The following SPAG16 variants were observed in gnomAD, a reference collection of about 807,000 sequenced individuals.
The protein encoded by SPAG16 is sperm associated antigen 16, also known as sperm-associated antigen 16 protein.
A neutral mutation model predicts 80.4 loss-of-function variants in SPAG16; 86 were observed. The observed-to-expected ratio is 1.07, with a 90% CI of 0.90 to 1.28. The LOEUF (loss-of-function observed/expected upper bound fraction) is 1.28. Among genes scored for constraint, SPAG16 ranks in the 50% most tolerant of loss-of-function variants. The pLI is 0.00. For missense variants in SPAG16, 870 were observed against 765.3 expected (o/e 1.14, Z -1.61); for synonymous variants, 294 against 265.9 (o/e 1.11, Z -1.03).
intron 10 of SPAG16, among the ~76,000 whole-genome samples, chr2:213,526,563 C>T (rs1478273890): frequency 2.0e-5 from 3 of 152,118 alleles, no homozygotes; most frequent in African/African-American, 4.8e-5. Flanking sequence ...AACTTGGAGC[C>T]TCCTTTTGGC....
intron 15 of SPAG16, among the ~76,000 whole-genome samples, chr2:214,247,788 T>A (rs1347791817): frequency 6.6e-6 from 1 of 152,026 alleles, no homozygotes; most frequent in Admixed American, 6.6e-5. Context: ...TCCCAGCACT[T>A]CAGGTGGCCA....
Position 213,892,551 on chromosome 2 carries a change from T to C in SPAG16, c.1214+29923T>C, listed in dbSNP as rs529654319. ...TGGTAGTTTTAAGAAAGCTCAGTGA[T>C]CTGCAAGATAACACAGAAAAGAAAT... is the stretch of plus-strand genomic sequence containing the variant. On this transcript the variant is annotated intron_variant, in intron 11 of 15. Transcript: ENST00000331683. Among the ~76,000 whole-genome samples, 9 of 152,218 alleles carry C rather than the reference T, an allele frequency of 5.9e-5. No homozygotes were observed. The South Asian group carries it at 1.9e-3, about 32-fold the overall frequency.
chr2:213,921,328 G>T (rs1163270570), intron 11 of SPAG16, among the ~76,000 whole-genome samples: 1 of 152,160 alleles, frequency 6.6e-6, no homozygotes, highest in South Asian at 2.1e-4. Context: ...AACTAGGATT[G>T]CAACCCCTGC....
At chr2:213,340,379 C>A in intron 6 of SPAG16, 109 bp downstream of exon 6, 1 of 781,564 alleles carries the variant, frequency 1.3e-6, no homozygotes, top group Non-Finnish European at 2.1e-6. Context: ...GGTTATTGAG[C>A]ATAAGATGAG....
chr2:213,742,952 G>A (rs2067641976), intron 10 of SPAG16, among the ~76,000 whole-genome samples: 1 of 151,752 alleles, frequency 6.6e-6, no homozygotes. Context: ...CGCCCAGGCT[G>A]GAGTGCAGTG....
chr2:213,986,824 T>A (rs1322739866), intron 12 of SPAG16, among the ~76,000 whole-genome samples: 1 of 150,674 alleles, frequency 6.6e-6, no homozygotes, highest in East Asian at 1.9e-4. Context: ...GTGTAAGTAT[T>A]TGTCTAATTT....
At chr2:213,287,575 T>G (rs1479273873) in intron 1 of SPAG16, among the ~76,000 whole-genome samples, 3 of 152,220 alleles carry the variant, frequency 2.0e-5, no homozygotes, top group Non-Finnish European at 2.9e-5. Context: ...CTCCTCTAGC[T>G]TTTGATTATT....
chr2:213,980,725 T>TAGAG (rs1553686631), intron 12 of SPAG16, among the ~76,000 whole-genome samples: 54 of 103,984 alleles, frequency 5.2e-4, no homozygotes, highest in South Asian at 1.9e-3. Flanking sequence ...TATATATATA[T>TAGAG]AGAGAGAGAG....
intron 10 of SPAG16, among the ~76,000 whole-genome samples, chr2:213,493,866 T>A (rs1419744873): frequency 6.6e-6 from 1 of 152,180 alleles, no homozygotes; most frequent in African/African-American, 2.4e-5. Flanking sequence ...GCTCATTGTC[T>A]CTAAGGAGGC....
chr2:213,543,796 G>T (rs181697025), intron 10 of SPAG16, among the ~76,000 whole-genome samples: 3 of 152,056 alleles, frequency 2.0e-5, no homozygotes, highest in Non-Finnish European at 2.9e-5. Context: ...TATTCTACCA[G>T]ATACACCTTG....
intron 15 of SPAG16, among the ~76,000 whole-genome samples, chr2:214,193,305 A>G (rs2057719106): frequency 6.6e-6 from 1 of 151,978 alleles, no homozygotes; most frequent in African/African-American, 2.4e-5. Context: ...GGTCGCCTCT[A>G]CTAGAACTGC....
chr2:213,930,806 G>A (rs926976862), intron 12 of SPAG16, among the ~76,000 whole-genome samples: 9 of 152,262 alleles, frequency 5.9e-5, no homozygotes, highest in Non-Finnish European at 1.0e-4. Context: ...ATACAAAGAG[G>A]TAAATTTAGC....
chr2:213,876,590 T>C (rs2076152149), intron 11 of SPAG16, among the ~76,000 whole-genome samples: 1 of 152,188 alleles, frequency 6.6e-6, no homozygotes, highest in South Asian at 2.1e-4. Context: ...AAAAGCATTA[T>C]AAGTATTCTA....
intron 12 of SPAG16, among the ~76,000 whole-genome samples, chr2:213,952,675 A>G (rs1222008007): frequency 6.6e-6 from 1 of 152,086 alleles, no homozygotes; most frequent in African/African-American, 2.4e-5. Flanking sequence ...CTAATTTGGG[A>G]ACCATAGAAT....
chr2:213,372,602 A>T lies in SPAG16; in HGVS notation c.833-2408A>T, dbSNP rs73990327. ...AATTAATACTTTTTTCAAATATAAC[A>T]TCTTCTTATTTAACTCTATTTCTTT... On this transcript the variant is annotated intron_variant, in intron 8 of 15. Coordinates refer to ENST00000331683, the MANE Select transcript of SPAG16 (RefSeq NM_024532.5). 2.6e-3 allele frequency among the ~76,000 whole-genome samples: 393 copies of T among 152,222 alleles called. 4 individuals are homozygous for T. The highest frequency in any genetic ancestry group is 8.7e-3 in the African/African-American group (361 of 41,570).
At chr2:214,379,694 T>C (rs2126104703) in intron 15 of SPAG16, among the ~76,000 whole-genome samples, 1 of 152,308 alleles carries the variant, frequency 6.6e-6, no homozygotes, top group South Asian at 2.1e-4. Context: ...TGCTTAATGA[T>C]CTCCTTAGGC....
At chr2:214,013,624 A>G (rs1484423220) in intron 12 of SPAG16, among the ~76,000 whole-genome samples, 1 of 152,152 alleles carries the variant, frequency 6.6e-6, no homozygotes, top group Non-Finnish European at 1.5e-5. Flanking sequence ...AATTAGTGCA[A>G]AATTTTTTAA....
intron 7 of SPAG16, among the ~76,000 whole-genome samples, chr2:213,352,131 G>A (rs1176378082): frequency 1.3e-5 from 2 of 150,698 alleles, no homozygotes; most frequent in African/African-American, 2.4e-5. Context: ...CCAGCCATGT[G>A]GAACTTGAGC....
At chr2:213,855,995 A>C (rs2075147454) in intron 10 of SPAG16, among the ~76,000 whole-genome samples, 2 of 152,170 alleles carry the variant, frequency 1.3e-5, no homozygotes, top group South Asian at 4.1e-4. Context: ...TTTCATCATT[A>C]ACTCAAAAGT....
Sources: allele counts gnomAD v4.1 joint callset (sites outside exome capture counted in the v4.1 genomes callset), GRCh38; gene constraint gnomAD v4.1.1; transcripts MANE v1.5; gene names NCBI Gene and HGNC (gene_info 2026-07-23, HGNC 2026-07-21).